RNMT: variants seen among roughly 807,000 people sequenced by gnomAD.
The protein encoded by RNMT is RNA guanine-7 methyltransferase, also known as mRNA cap guanine-N(7) methyltransferase.
In RNMT, 27 loss-of-function variants were observed where a neutral mutation model predicts 56.0. The observed-to-expected ratio is 0.48, with a 90% CI of 0.36 to 0.67. The LOEUF is 0.67. Ranked by LOEUF, RNMT falls within the 30% of genes least tolerant of loss-of-function variation. The pLI is 0.00. For missense variants in RNMT, 519 were observed against 552.1 expected, an observed-to-expected ratio of 0.94 and a Z score of 0.60; for synonymous variants, 184 against 176.2, an observed-to-expected ratio of 1.04 and a Z score of -0.35.
chr18:13,735,968 G>A (rs2044152035), intron 4 of RNMT, among the ~76,000 whole-genome samples: 1 of 151,988 alleles, frequency 6.6e-6, no homozygotes, highest in Admixed American at 6.6e-5. Flanking sequence ...TTTTCTTGGT[G>A]CTTGTAGCTT....
rs1296020960 is a variant in RNMT, at chr18:13,762,051, C to A, written c.*2072C>A. On this transcript the variant is annotated 3_prime_UTR_variant, in exon 12 of 12. Transcript: ENST00000383314. ...GTATTCTATTCAGGACTTACGGTAA[C>A]TATTATGAGGGAGGCATGGCTTTCC... 1 of 1,535,974 alleles carries A rather than the reference C, an allele frequency of 6.5e-7. No individual in the cohort carries two copies. Among genetic ancestry groups the A allele is most frequent in the African/African-American group, 1.4e-5 (1 of 73,060 alleles).
intron 5 of RNMT, among the ~76,000 whole-genome samples, 200 bp from the exon 6 acceptor site, chr18:13,739,967 A>G (rs2044225419): frequency 6.6e-6 from 1 of 151,932 alleles, no homozygotes; most frequent in South Asian, 2.1e-4. Flanking sequence ...GTCCGTACCT[A>G]TTGAGACGCT....
chr18:13,746,474 C>T, intron 9 of RNMT, 137 bp downstream of exon 9: 1 of 665,998 alleles, frequency 1.5e-6, no homozygotes, highest in Non-Finnish European at 2.7e-6. Context: ...GAGCTTGATA[C>T]AGAAACTGCA....
In RNMT at chr18:13,762,114, C is replaced by G. The variant is rs1568518947; in HGVS notation, c.*2135C>G. ...GGAAGAGCACCTGTTGCTGCAAGCTCAGTGAAGTGGGGCACTCCCAGACCT... is the reference window on the plus strand; with the variant it reads ...GGAAGAGCACCTGTTGCTGCAAGCTGAGTGAAGTGGGGCACTCCCAGACCT... On this transcript the variant is annotated 3_prime_UTR_variant, in exon 12 of 12. Coordinates refer to ENST00000383314, the MANE Select transcript of RNMT (RefSeq NM_003799.3). 6.5e-7 allele frequency: 1 copy of G among 1,535,944 alleles called. No homozygotes were observed. Among genetic ancestry groups the G allele is most frequent in the Non-Finnish European group, 8.7e-7 (1 of 1,146,842 alleles).
Position 13,760,478 on chromosome 18 carries a change from A to C in RNMT, c.*499A>C. ...TATGTATTGCTGAAGTTATAAGTTT[A>C]AAACTCAATTTCAGATGCTCATAAA... On this transcript the variant is annotated 3_prime_UTR_variant, in exon 12 of 12. Coordinates refer to ENST00000383314, the MANE Select transcript of RNMT (RefSeq NM_003799.3). The C allele has an allele frequency of 2.0e-6, 2 of 985,674 alleles. No homozygotes were observed. Among genetic ancestry groups the C allele is most frequent in the Non-Finnish European group, 2.4e-6 (2 of 829,716 alleles). 61.1% of individuals were successfully genotyped at this position (985,674 alleles called of 1,614,324 possible).
chr18:13,759,225 G>A (rs2044590479), intron 11 of RNMT, among the ~76,000 whole-genome samples: 2 of 152,140 alleles, frequency 1.3e-5, no homozygotes, highest in Admixed American at 6.5e-5. Flanking sequence ...ATATGGTATT[G>A]CCACATACCT....
chr18:13,731,459 T>A lies in RNMT; in HGVS notation c.-42-17T>A, dbSNP rs1343910177. ...TCTTAGTGTTTACAAGTAATACCAA[T>A]TTTTTTCCTATTCTAGTGTTGGTTC... On this transcript the variant is annotated splice_polypyrimidine_tract_variant and intron_variant, in intron 2 of 11. Transcript: ENST00000383314. The A allele has an allele frequency of 4.3e-6, 6 of 1,382,988 alleles. No homozygotes were observed. The highest frequency in any genetic ancestry group is 5.9e-6 in the Non-Finnish European group (6 of 1,015,118). The allele number at this position is 1,382,988 out of a possible 1,614,324, so 85.7% of individuals were successfully genotyped here.
chr18:13,751,306 AG>A (rs1340997177), intron 9 of RNMT, among the ~76,000 whole-genome samples: 1 of 152,260 alleles, frequency 6.6e-6, no homozygotes, highest in Non-Finnish European at 1.5e-5. Flanking sequence ...AAGTGGGCAA[AG>A]GATATGAACA....
At chr18:13,742,353 A>G (rs938038890) in intron 7 of RNMT, 135 bp from the exon 8 acceptor site, 10 of 688,058 alleles carry the variant, frequency 1.5e-5, no homozygotes, top group Non-Finnish European at 1.8e-5. Flanking sequence ...AAAAAAAAAA[A>G]GGTAGCCCAG....
chr18:13,755,461 C>T (rs1300476211), intron 11 of RNMT, among the ~76,000 whole-genome samples: 2 of 152,174 alleles, frequency 1.3e-5, no homozygotes, highest in South Asian at 4.1e-4. Flanking sequence ...AGAAGACTAA[C>T]AACTTAGCTA....
intron 8 of RNMT, among the ~76,000 whole-genome samples, chr18:13,744,513 T>C (rs2044320236): frequency 6.6e-6 from 1 of 152,168 alleles, no homozygotes; most frequent in Non-Finnish European, 1.5e-5. Context: ...AAGGCTTATT[T>C]TAGAGATTTA....
intron 10 of RNMT, 119 bp downstream of exon 10, chr18:13,752,546 G>T (rs1487634252): frequency 7.8e-6 from 5 of 638,252 alleles, no homozygotes; most frequent in Non-Finnish European, 1.1e-5. Context: ...TTACAAATCA[G>T]TTGTTTCCAC....
At chr18:13,732,284 C>T (rs1028045947) in intron 3 of RNMT, among the ~76,000 whole-genome samples, 20 of 152,130 alleles carry the variant, frequency 1.3e-4, no homozygotes, top group Admixed American at 1.3e-4. Context: ...CAGCCACAAC[C>T]TCCTGGGCAT....
In RNMT at chr18:13,737,646, T is replaced by G. The variant is rs144529762; in HGVS notation, c.679+511T>G. Among the ~76,000 whole-genome samples the G allele has an allele frequency of 7.2e-4, 110 of 151,924 alleles. 1 individual carries two copies. In the East Asian group the frequency reaches 0.021, roughly 29 times the overall value. On this transcript the variant is annotated intron_variant, in intron 5 of 11. Transcript: ENST00000383314. ...CCAAAAGGAAGGAAGCTATCAAAGA[T>G]GGTCGGAGTCATGTCTAAAGGGCAG... is the stretch of plus-strand genomic sequence containing the variant.
At chr18:13,750,039 A>G (rs939516136) in intron 9 of RNMT, among the ~76,000 whole-genome samples, 2 of 152,146 alleles carry the variant, frequency 1.3e-5, no homozygotes, top group African/African-American at 2.4e-5. Context: ...GGGTTACAGC[A>G]TGAGCTACCG....
intron 2 of RNMT, among the ~76,000 whole-genome samples, chr18:13,730,966 A>T (rs779794507): frequency 3.9e-4 from 59 of 152,226 alleles, no homozygotes; most frequent in Admixed American, 4.6e-4. Context: ...GCCAACAGTG[A>T]CTTTTATGAA....
At chr18:13,732,060 C>T (rs4797807) in intron 3 of RNMT, 126 bp downstream of exon 3, 589,308 of 685,124 alleles carry the variant, frequency 0.86, 253,817 homozygotes, top group East Asian at 0.95. Flanking sequence ...AGATATGGTC[C>T]TAAGACAAAG....
intron 3 of RNMT, among the ~76,000 whole-genome samples, chr18:13,732,710 ATG>A (rs2044091554): frequency 6.7e-6 from 1 of 148,678 alleles, no homozygotes; most frequent in Admixed American, 6.7e-5. Flanking sequence ...CATCAATGGA[ATG>A]TGAATTCTTG....
At position 13,741,393 on chromosome 18, in the gene RNMT, A is replaced by G. The variant is rs1193328621; in HGVS notation, c.793-117A>G. 4 of 637,946 alleles carry G rather than the reference A, an allele frequency of 6.3e-6. No homozygotes were observed. In the African/African-American group the frequency reaches 7.3e-5, roughly 12 times the overall value. 39.5% of individuals were successfully genotyped at this position (637,946 alleles called of 1,614,324 possible). A position where few individuals can be genotyped will look rare whatever the true frequency, so the allele number is the denominator to read the frequency against. ...GATTTCTGTGTGTCCTTTATTGTAC[A>G]AGGGAAAGATTGTGAGGGAAAGGAA... On this transcript the variant is annotated intron_variant, in intron 6 of 11. Transcript: ENST00000383314.
Sources: allele counts gnomAD v4.1 joint callset (sites outside exome capture counted in the v4.1 genomes callset), GRCh38; gene constraint gnomAD v4.1.1; transcripts MANE v1.5; gene names NCBI Gene and HGNC (gene_info 2026-07-23, HGNC 2026-07-21).